Variants in PCCA observed in about 807,000 individuals in gnomAD.
PCCA encodes the protein propionyl-CoA carboxylase alpha chain, mitochondrial.
PCCA carries 74 observed loss-of-function variants against 101.3 expected under a neutral mutation model. The observed-to-expected ratio is 0.73, with a 90% CI of 0.61 to 0.89. PCCA has a LOEUF of 0.89. Among genes scored for constraint, PCCA ranks in the 40% least tolerant of loss-of-function variants. The pLI is 0.00. For synonymous variants in PCCA, 294 were observed against 313.6 expected (o/e 0.94, Z 0.66); for missense variants, 891 against 907.0 (o/e 0.98, Z 0.23).
intron 19 of PCCA, among the ~76,000 whole-genome samples, chr13:100,418,560 A>T (rs2078531674): frequency 6.6e-6 from 1 of 152,078 alleles, no homozygotes; most frequent in Non-Finnish European, 1.5e-5. Context: ...ATCTTTCAAA[A>T]ATGGACAGTG....
chr13:100,474,390 G>A (rs2083253686), intron 21 of PCCA, among the ~76,000 whole-genome samples: 1 of 151,546 alleles, frequency 6.6e-6, no homozygotes, highest in African/African-American at 2.4e-5. Context: ...TAAGTTTATT[G>A]CAACGTTGCT....
chr13:100,486,504 T>C (rs1180546423), intron 21 of PCCA, among the ~76,000 whole-genome samples: 1 of 152,226 alleles, frequency 6.6e-6, no homozygotes, highest in Non-Finnish European at 1.5e-5. Context: ...ATGCAGCCAT[T>C]AAAATAGTGA....
chr13:100,101,328 G>C (rs570760990), intron 1 of PCCA, among the ~76,000 whole-genome samples: 25 of 152,220 alleles, frequency 1.6e-4, no homozygotes, highest in African/African-American at 6.0e-4. Context: ...AACCATTACA[G>C]CCTCAGCCTG....
rs753195550 is a variant in PCCA, at chr13:100,102,949, C to A, written c.172C>A (p.Pro58Thr). The A allele has an allele frequency of 6.3e-7, 1 of 1,593,824 alleles. No individual in the cohort carries two copies. Among genetic ancestry groups the A allele is most frequent in the African/African-American group, 1.3e-5 (1 of 74,580 alleles). ...TAATCTTGGTTCAGTGGGATATGAT[C>A]CTAATGAAAAAGTAAGTATTTAAAA... is the stretch of plus-strand genomic sequence containing the variant. ...SRNLGSVGYD[P>T]NEKTFDKILV... The change falls in exon 2 of 24, where the codon CCT becomes ACT. Residue 58 changes from proline to threonine, a missense_variant. Physicochemically the swap from Pro to Thr is conservative, Grantham distance 38. Transcript: ENST00000376285.
intron 19 of PCCA, among the ~76,000 whole-genome samples, chr13:100,372,984 T>C (rs1164133237): frequency 6.6e-6 from 1 of 152,202 alleles, no homozygotes; most frequent in Non-Finnish European, 1.5e-5. Context: ...CTTCAGGTGA[T>C]CCACCCACTT....
At chr13:100,258,327 G>A (rs577003073) in intron 9 of PCCA, among the ~76,000 whole-genome samples, 1 of 152,274 alleles carries the variant, frequency 6.6e-6, no homozygotes, top group African/African-American at 2.4e-5. Flanking sequence ...TGAGAGCGTG[G>A]GCAAGATTCT....
intron 10 of PCCA, among the ~76,000 whole-genome samples, chr13:100,264,605 A>G (rs181116549): frequency 1.9e-3 from 285 of 151,830 alleles, no homozygotes; most frequent in Non-Finnish European, 3.5e-3. Flanking sequence ...CCATTATTTG[A>G]CTCACCTGCA....
chr13:100,336,595 A>C (rs9518054), intron 17 of PCCA, among the ~76,000 whole-genome samples: 141,428 of 152,238 alleles, frequency 0.93, 66,609 homozygotes, highest in East Asian at 1. Context: ...GGTAAGAGTT[A>C]GTTGTGAGGA....
At chr13:100,328,725 G>C (rs1402311014) in intron 16 of PCCA, among the ~76,000 whole-genome samples, 2 of 118,166 alleles carry the variant, frequency 1.7e-5, no homozygotes, top group Non-Finnish European at 3.3e-5. Context: ...ATGTTGTCTA[G>C]CTCCGTCGCT....
Position 100,348,880 on chromosome 13 carries a change from C to CTT in PCCA, c.1643+8624_1643+8625dup, listed in dbSNP as rs1340931636. 8.6e-3 allele frequency among the ~76,000 whole-genome samples: 601 copies of CTT among 69,900 alleles called. 27 individuals are homozygous for CTT. Among genetic ancestry groups the CTT allele is most frequent in the Non-Finnish European group, 0.015 (474 of 30,646 alleles). The allele number at this position is 69,900 out of a possible 152,430, so 45.9% of individuals were successfully genotyped here. On this transcript the variant is annotated intron_variant, in intron 18 of 23. Transcript: ENST00000376285. ...CTCCCTTCCTCCCTTTCCTTTCTTT[C>CTT]TTTTCTTTCTTTCCTTCCTTCCTTC...
intron 21 of PCCA, among the ~76,000 whole-genome samples, chr13:100,509,874 A>C (rs2086354055): frequency 1.8e-5 from 2 of 112,370 alleles, no homozygotes; most frequent in African/African-American, 6.0e-5. Context: ...CTAAAAGAAC[A>C]ACTTCAAGCC....
At chr13:100,516,240 T>G (rs925897926) in intron 22 of PCCA, among the ~76,000 whole-genome samples, 87 of 152,212 alleles carry the variant, frequency 5.7e-4, no homozygotes, top group African/African-American at 2.0e-3. Flanking sequence ...CAACCAGATT[T>G]CCAGGTACAC....
In PCCA at chr13:100,376,230, C is replaced by A. The variant is rs1039106905; in HGVS notation, c.1746+7656C>A. 2.0e-5 allele frequency among the ~76,000 whole-genome samples: 3 copies of A among 152,212 alleles called. No individual in the cohort carries two copies. The East Asian group carries it at 5.8e-4, about 29-fold the overall frequency. On this transcript the variant is annotated intron_variant, in intron 19 of 23. Transcript: ENST00000376285. ...GTTCCTTCCTCTGAAAGCTTCGTCCCAGAGGGGCACCTGCCAGATGCCAGC... is the reference window on the plus strand; with the variant it reads ...GTTCCTTCCTCTGAAAGCTTCGTCCAAGAGGGGCACCTGCCAGATGCCAGC...
At chr13:100,093,890 G>C (rs952215521) in intron 1 of PCCA, among the ~76,000 whole-genome samples, 1 of 152,104 alleles carries the variant, frequency 6.6e-6, no homozygotes, top group African/African-American at 2.4e-5. Flanking sequence ...AGTGAGCTGT[G>C]ATCACACCAA....
intron 21 of PCCA, chr13:100,481,210 A>C (rs559617501): frequency 6.6e-6 from 1 of 152,060 alleles, no homozygotes; most frequent in Non-Finnish European, 1.5e-5. Context: ...GGTTTTTGGC[A>C]TATCCAGATT....
At chr13:100,095,513 G>C (rs2046687621) in intron 1 of PCCA, among the ~76,000 whole-genome samples, 3 of 152,226 alleles carry the variant, frequency 2.0e-5, no homozygotes, top group Non-Finnish European at 4.4e-5. Flanking sequence ...TAATGGGATA[G>C]AGAGTGGTAG....
intron 19 of PCCA, among the ~76,000 whole-genome samples, chr13:100,418,958 T>C (rs1000191504): frequency 1.3e-5 from 2 of 151,796 alleles, no homozygotes; most frequent in East Asian, 3.9e-4. Flanking sequence ...TTCTCTCTGC[T>C]CCATCCACAT....
intron 18 of PCCA, among the ~76,000 whole-genome samples, chr13:100,358,653 C>T (rs1238528800): frequency 6.6e-6 from 1 of 151,650 alleles, no homozygotes; most frequent in Non-Finnish European, 1.5e-5. Flanking sequence ...AGAGATTATG[C>T]AATCTGAAAA....
At chr13:100,264,626 ATTG>A (rs565370218) in intron 10 of PCCA, among the ~76,000 whole-genome samples, 71 of 152,110 alleles carry the variant, frequency 4.7e-4, no homozygotes, top group Non-Finnish European at 6.5e-4. Flanking sequence ...GTTTATCCAT[ATTG>A]TTGTTGATGG....
Sources: allele counts gnomAD v4.1 joint callset (sites outside exome capture counted in the v4.1 genomes callset), GRCh38; gene constraint gnomAD v4.1.1; transcripts MANE v1.5; gene names NCBI Gene and HGNC (gene_info 2026-07-23, HGNC 2026-07-21).